CAAP1: variants seen among roughly 807,000 people sequenced by gnomAD.
CAAP1 encodes the protein conserved anti-apoptotic protein.
Under a neutral mutation model 34.0 loss-of-function variants are expected in CAAP1, and 20 were observed. That is an observed-to-expected ratio of 0.59 (90% CI 0.41 to 0.86). The LOEUF is 0.86. Ranked by LOEUF, CAAP1 falls within the 40% of genes least tolerant of loss-of-function variation. The pLI, the probability that CAAP1 is intolerant of heterozygous loss-of-function variation, is 0.00. For synonymous variants in CAAP1, 213 were observed against 166.7 expected (o/e 1.28, Z -2.14); for missense variants, 538 against 450.5 (o/e 1.19, Z -1.76).
intron 4 of CAAP1, among the ~76,000 whole-genome samples, chr9:26,869,694 T>C (rs973533700): frequency 6.6e-6 from 1 of 152,190 alleles, no homozygotes; most frequent in African/African-American, 2.4e-5. Context: ...ATAAATTGCC[T>C]TGGAAACACA....
At chr9:26,856,392 A>G (rs1822870926) in intron 5 of CAAP1, among the ~76,000 whole-genome samples, 1 of 152,194 alleles carries the variant, frequency 6.6e-6, no homozygotes, top group Admixed American at 6.5e-5. Flanking sequence ...TTTTCTTCCA[A>G]TAGAATAAAA....
intron 4 of CAAP1, among the ~76,000 whole-genome samples, chr9:26,876,723 G>A (rs1363254250): frequency 6.6e-6 from 1 of 152,096 alleles, no homozygotes; most frequent in African/African-American, 2.4e-5. Flanking sequence ...GCAGGCTATA[G>A]TTTAAGCATC....
intron 5 of CAAP1, among the ~76,000 whole-genome samples, chr9:26,855,870 T>C (rs555417701): frequency 1.3e-5 from 2 of 152,316 alleles, no homozygotes; most frequent in South Asian, 2.1e-4. Flanking sequence ...GTTTACACTA[T>C]GTGACCTCCA....
At chr9:26,866,981 G>GT (rs1242557599) in intron 4 of CAAP1, among the ~76,000 whole-genome samples, 1 of 152,118 alleles carries the variant, frequency 6.6e-6, no homozygotes, top group Admixed American at 6.5e-5. Flanking sequence ...GAGGTGAGCG[G>GT]TGGTGGGCAA....
chr9:26,867,211 C>G (rs113460895), intron 4 of CAAP1, among the ~76,000 whole-genome samples: 3,377 of 152,266 alleles, frequency 0.022, 127 homozygotes, highest in African/African-American at 0.077. Flanking sequence ...TGCCAAAAAG[C>G]TTGGGGATCG....
chr9:26,871,927 A>C (rs1789216506), intron 4 of CAAP1, among the ~76,000 whole-genome samples: 1 of 151,938 alleles, frequency 6.6e-6, no homozygotes, highest in Non-Finnish European at 1.5e-5. Flanking sequence ...ATAAATAAAT[A>C]AATAAATAAA....
At chr9:26,856,408 A>G (rs1822871274) in intron 5 of CAAP1, among the ~76,000 whole-genome samples, 1 of 152,228 alleles carries the variant, frequency 6.6e-6, no homozygotes, top group African/African-American at 2.4e-5. Context: ...TAAAAAATGT[A>G]GAGATAGCAA....
intron 4 of CAAP1, among the ~76,000 whole-genome samples, chr9:26,871,416 A>T (rs979226424): frequency 6.6e-6 from 1 of 151,924 alleles, no homozygotes; most frequent in African/African-American, 2.4e-5. Flanking sequence ...TGTCTCTACT[A>T]AAATACAAAG....
intron 4 of CAAP1, among the ~76,000 whole-genome samples, chr9:26,872,143 C>A (rs1170614885): frequency 6.6e-6 from 1 of 152,124 alleles, no homozygotes; most frequent in Non-Finnish European, 1.5e-5. Context: ...AATAAGACAA[C>A]TGATTGAGCC....
At chr9:26,855,104 AATGG>A (rs1822838203) in intron 5 of CAAP1, among the ~76,000 whole-genome samples, 1 of 152,274 alleles carries the variant, frequency 6.6e-6, no homozygotes, top group Non-Finnish European at 1.5e-5. Flanking sequence ...GTTATGGGTG[AATGG>A]ATGAACAAAC....
At chr9:26,854,158 T>A (rs1239798390) in intron 5 of CAAP1, among the ~76,000 whole-genome samples, 1 of 152,160 alleles carries the variant, frequency 6.6e-6, no homozygotes, top group Non-Finnish European at 1.5e-5. Flanking sequence ...ACAGAAATAA[T>A]TACAAGGGCT....
chr9:26,892,529 T>G lies in CAAP1; in HGVS notation c.187A>C (p.Ser63Arg). Residue 63 changes from serine to arginine, a missense_variant, in exon 1 of 6, where the codon AGT becomes CGT. Physicochemically the swap from Ser to Arg is moderately radical, Grantham distance 110. Around this residue, in one of 3 missense-constraint regions of CAAP1, gnomAD observed 514 missense variants for 408.4 expected, o/e 1.26. Coordinates refer to ENST00000333916, the MANE Select transcript of CAAP1 (RefSeq NM_024828.4). ...SCCGNANFSG[S>R]VTGGGSGGSC... ...CCGCCGCTCCCACCGCCGGTGACAC[T>G]TCCACTAAAATTGGCGTTCCCACAG... is the stretch of plus-strand genomic sequence containing the variant. 3.8e-6 allele frequency: 6 copies of G among 1,574,800 alleles called. No homozygotes were observed. The highest frequency in any genetic ancestry group is 5.2e-6 in the Non-Finnish European group (6 of 1,160,332).
intron 4 of CAAP1, among the ~76,000 whole-genome samples, chr9:26,870,481 C>A (rs537203006): frequency 1.1e-3 from 161 of 151,006 alleles, no homozygotes; most frequent in African/African-American, 3.7e-3. Flanking sequence ...GTCTGAATCA[C>A]AGGTCAATTT....
At position 26,892,347 on chromosome 9, in the gene CAAP1, C is replaced by T. The variant is rs552901982; in HGVS notation, c.303+66G>A. 1.5e-4 allele frequency: 238 copies of T among 1,580,166 alleles called. 1 individual carries two copies. In the Middle Eastern group the frequency reaches 3.0e-3, roughly 20 times the overall value. Reference sequence around the variant, plus strand: ...GAGCTCCAGCCTGCGCCCCATCCCTCTGGAAGCCCGACTTCTTCCGAAAAA... The same window carrying T: ...GAGCTCCAGCCTGCGCCCCATCCCTTTGGAAGCCCGACTTCTTCCGAAAAA... On this transcript the variant is annotated intron_variant, in intron 1 of 5. Coordinates refer to ENST00000333916, the MANE Select transcript of CAAP1 (RefSeq NM_024828.4).
intron 5 of CAAP1, among the ~76,000 whole-genome samples, chr9:26,845,939 T>G (rs955307647): frequency 2.0e-5 from 3 of 152,288 alleles, no homozygotes; most frequent in Non-Finnish European, 4.4e-5. Context: ...TAACAGATCT[T>G]TTTCTTTGAT....
chr9:26,883,890 T>G (rs1379761969), intron 4 of CAAP1, among the ~76,000 whole-genome samples: 1 of 152,152 alleles, frequency 6.6e-6, no homozygotes, highest in Non-Finnish European at 1.5e-5. Flanking sequence ...TAGTAAGACA[T>G]TAAAAATGTG....
At chr9:26,866,612 A>G (rs958202010) in intron 4 of CAAP1, among the ~76,000 whole-genome samples, 1 of 152,250 alleles carries the variant, frequency 6.6e-6, no homozygotes, top group African/African-American at 2.4e-5. Flanking sequence ...AGCATACACA[A>G]GAAAAGGTTA....
At chr9:26,857,238 C>T (rs542128599) in intron 5 of CAAP1, among the ~76,000 whole-genome samples, 9 of 152,208 alleles carry the variant, frequency 5.9e-5, no homozygotes, top group Non-Finnish European at 1.2e-4. Flanking sequence ...TATGCGCATG[C>T]ACACATACAC....
chr9:26,864,493 T>TAG (rs1437608107), intron 4 of CAAP1, among the ~76,000 whole-genome samples: 1 of 152,118 alleles, frequency 6.6e-6, no homozygotes, highest in Non-Finnish European at 1.5e-5. Context: ...GAAGGAAACT[T>TAG]ATCTCTGTTT....
Sources: allele counts gnomAD v4.1 joint callset (sites outside exome capture counted in the v4.1 genomes callset), GRCh38; gene constraint gnomAD v4.1.1; regional missense constraint gnomAD v4.1.1; transcripts MANE v1.5; gene names NCBI Gene and HGNC (gene_info 2026-07-23, HGNC 2026-07-21).